The following STPG2 variants were observed in gnomAD, a reference collection of about 807,000 sequenced individuals.
The protein encoded by STPG2 is sperm-tail PG-rich repeat-containing protein 2.
Under a neutral mutation model 54.2 loss-of-function variants are expected in STPG2, and 56 were observed. That is an observed-to-expected ratio of 1.03 (90% CI 0.83 to 1.29). The LOEUF is 1.29. Among genes scored for constraint, STPG2 ranks in the 50% most tolerant of loss-of-function variants. The probability of loss-of-function intolerance (pLI) is 0.00; values close to 1 mark genes in which losing one functional copy is unlikely to be tolerated. For missense variants in STPG2, 596 were observed against 544.9 expected, an observed-to-expected ratio of 1.09 and a Z score of -0.93; for synonymous variants, 200 against 181.8, an observed-to-expected ratio of 1.10 and a Z score of -0.81.
chr4:97,949,279 C>G (rs916681488), intron 7 of STPG2, among the ~76,000 whole-genome samples: 1 of 152,006 alleles, frequency 6.6e-6, no homozygotes, highest in Non-Finnish European at 1.5e-5. Flanking sequence ...TTAACTTTTA[C>G]CACCCTTTTA....
At chr4:97,583,130 C>T (rs555766673) in intron 10 of STPG2, among the ~76,000 whole-genome samples, 8 of 152,010 alleles carry the variant, frequency 5.3e-5, no homozygotes, top group Non-Finnish European at 1.2e-4. Context: ...TGGTTTCTTG[C>T]CAAGACTGCA....
At position 97,661,711 on chromosome 4, in the gene STPG2, G is replaced by A. The variant is rs562899487; in HGVS notation, c.1320+50988C>T. Among the ~76,000 whole-genome samples, 219 of 151,854 alleles carry A rather than the reference G, an allele frequency of 1.4e-3. 1 individual carries two copies. The highest frequency in any genetic ancestry group is 5.1e-3 in the African/African-American group (212 of 41,396). The stretch of plus-strand genomic sequence containing the variant: ...GTGAAAAGAAAAGTCATATTAATAG[G>A]GGAGAAAAGGCCATGGATACAGAAA... On this transcript the variant is annotated intron_variant, in intron 10 of 10. Coordinates refer to ENST00000295268, the MANE Select transcript of STPG2 (RefSeq NM_174952.3).
chr4:97,567,291 G>A (rs1043103868), intron 10 of STPG2, among the ~76,000 whole-genome samples: 21 of 151,078 alleles, frequency 1.4e-4, no homozygotes, highest in Non-Finnish European at 2.9e-5. Context: ...TACCAGACTG[G>A]GAAATTTTAA....
At chr4:97,832,263 C>CA (rs893951091) in intron 9 of STPG2, among the ~76,000 whole-genome samples, 166 of 151,662 alleles carry the variant, frequency 1.1e-3, no homozygotes, top group Non-Finnish European at 5.2e-4. Flanking sequence ...AGCCAATGAC[C>CA]AAAAAAAAGC....
At chr4:98,115,402 GAAGA>G (rs1739488801) in intron 3 of STPG2, among the ~76,000 whole-genome samples, 1 of 151,904 alleles carries the variant, frequency 6.6e-6, no homozygotes, top group Admixed American at 6.6e-5. Context: ...TCTTCTAAAA[GAAGA>G]AAGAAGCTAA....
intron 10 of STPG2, among the ~76,000 whole-genome samples, chr4:97,605,281 A>G (rs1733565331): frequency 6.6e-6 from 1 of 151,816 alleles, no homozygotes. Context: ...AAACTTCCCA[A>G]ACTAGTGAAA....
intron 5 of STPG2, among the ~76,000 whole-genome samples, chr4:98,047,583 C>CAAGT (rs1737175239): frequency 6.6e-6 from 1 of 152,072 alleles, no homozygotes; most frequent in Non-Finnish European, 1.5e-5. Flanking sequence ...AGAAGACTCA[C>CAAGT]AAGTGTAGAG....
At chr4:97,995,420 C>G (rs1460848824) in intron 5 of STPG2, among the ~76,000 whole-genome samples, 1 of 152,174 alleles carries the variant, frequency 6.6e-6, no homozygotes, top group Non-Finnish European at 1.5e-5. Flanking sequence ...CCACACGGCT[C>G]TGTCTGTCCA....
intron 10 of STPG2, among the ~76,000 whole-genome samples, chr4:97,708,910 T>G (rs1214014998): frequency 1.3e-5 from 2 of 151,772 alleles, no homozygotes; most frequent in Non-Finnish European, 3.0e-5. Flanking sequence ...CCTTTATAAT[T>G]TTTTCATTTG....
At chr4:97,868,843 TGATA>T (rs746368894) in intron 8 of STPG2, among the ~76,000 whole-genome samples, 9 of 151,964 alleles carry the variant, frequency 5.9e-5, no homozygotes, top group Non-Finnish European at 8.8e-5. Flanking sequence ...TTTTGTTGCC[TGATA>T]AATATTCTCA....
intron 8 of STPG2, among the ~76,000 whole-genome samples, chr4:97,921,716 T>C (rs1453850823): frequency 2.6e-5 from 4 of 152,082 alleles, no homozygotes; most frequent in Non-Finnish European, 4.4e-5. Flanking sequence ...GAAAAGTTAC[T>C]GAAAAATATG....
chr4:97,779,567 G>A (rs1380898440), intron 9 of STPG2, among the ~76,000 whole-genome samples: 1 of 152,076 alleles, frequency 6.6e-6, no homozygotes, highest in African/African-American at 2.4e-5. Flanking sequence ...TTCAAATTCA[G>A]GACATACAGA....
chr4:97,929,278 G>T (rs1193593633), intron 8 of STPG2, among the ~76,000 whole-genome samples: 1 of 152,138 alleles, frequency 6.6e-6, no homozygotes, highest in Admixed American at 6.5e-5. Flanking sequence ...ATCTGTCATT[G>T]ATGAGCATTT....
At chr4:97,470,917 T>G (rs1458482234) in intron 4 of STPG2, among the ~76,000 whole-genome samples, 2 of 152,172 alleles carry the variant, frequency 1.3e-5, no homozygotes, top group African/African-American at 4.8e-5. Flanking sequence ...TTTCTGATGA[T>G]ATGTCAGATT....
intron 10 of STPG2, among the ~76,000 whole-genome samples, chr4:97,589,687 G>A (rs983177573): frequency 5.3e-5 from 8 of 152,138 alleles, no homozygotes; most frequent in Admixed American, 1.3e-4. Context: ...AATGTGCCAC[G>A]TCATGAATGT....
chr4:97,679,183 T>A (rs943575905), intron 10 of STPG2, among the ~76,000 whole-genome samples: 2 of 152,180 alleles, frequency 1.3e-5, no homozygotes, highest in African/African-American at 4.8e-5. Flanking sequence ...TAGTTCTAGA[T>A]CCCTGAGGAA....
intron 10 of STPG2, among the ~76,000 whole-genome samples, chr4:97,566,108 TG>T (rs1270385208): frequency 3.3e-5 from 5 of 152,194 alleles, no homozygotes; most frequent in African/African-American, 1.2e-4. Flanking sequence ...GCTTCCAGGC[TG>T]CTTTGTTTAC....
At chr4:98,033,354 A>G (rs956569147) in intron 5 of STPG2, among the ~76,000 whole-genome samples, 3 of 152,224 alleles carry the variant, frequency 2.0e-5, no homozygotes, top group Admixed American at 2.0e-4. Context: ...GAAAATCTAG[A>G]AGAAATGGAT....
intron 8 of STPG2, among the ~76,000 whole-genome samples, chr4:97,902,892 C>T (rs1239450960): frequency 2.0e-5 from 3 of 152,052 alleles, no homozygotes; most frequent in East Asian, 1.9e-4. Context: ...ATGAAATCAA[C>T]ATAAGTGGCC....
Sources: allele counts gnomAD v4.1 joint callset (sites outside exome capture counted in the v4.1 genomes callset), GRCh38; gene constraint gnomAD v4.1.1; transcripts MANE v1.5; gene names NCBI Gene and HGNC (gene_info 2026-07-23, HGNC 2026-07-21).